The following KALRN variants were observed in gnomAD, a reference collection of about 807,000 sequenced individuals.
KALRN encodes the protein kalirin RhoGEF kinase.
Under a neutral mutation model 353.7 loss-of-function variants are expected in KALRN, and 70 were observed. The observed-to-expected ratio is 0.20, with a 90% confidence interval of 0.16 to 0.24. KALRN has a LOEUF of 0.24. KALRN is among the 10% of genes least tolerant of loss of function. The pLI is 1.00. For missense variants in KALRN, 2,791 were observed against 3,756.7 expected, an observed-to-expected ratio of 0.74 and a Z score of 6.72; for synonymous variants, 1,391 against 1,434.8, an observed-to-expected ratio of 0.97 and a Z score of 0.69.
At chr3:124,385,058 A>T in intron 11 of KALRN, 22 bp downstream of exon 11, 1 of 1,560,540 alleles carries the variant, frequency 6.4e-7, no homozygotes, top group Non-Finnish European at 8.7e-7. Context: ...TAGTGGAGAG[A>T]GGGCATTCTG....
intron 1 of KALRN, among the ~76,000 whole-genome samples, chr3:124,135,085 A>G (rs1009425808): frequency 1.3e-5 from 2 of 152,236 alleles, no homozygotes; most frequent in Non-Finnish European, 2.9e-5. Flanking sequence ...ACGCATGGTT[A>G]TAGCAGCACA....
intron 34 of KALRN, among the ~76,000 whole-genome samples, chr3:124,581,003 A>G (rs1001285858): frequency 2.6e-5 from 4 of 151,794 alleles, no homozygotes; most frequent in African/African-American, 7.3e-5. Context: ...TTGTTAGGTT[A>G]TAGACATTGG....
intron 49 of KALRN, 91 bp downstream of exon 49, chr3:124,674,705 G>A: frequency 2.3e-6 from 3 of 1,331,230 alleles, no homozygotes; most frequent in South Asian, 1.5e-5. Flanking sequence ...CAAACACATG[G>A]TAGGGAATTA....
At chr3:124,050,461 A>T (rs2040918349) in intron 1 of KALRN, among the ~76,000 whole-genome samples, 1 of 152,122 alleles carries the variant, frequency 6.6e-6, no homozygotes, top group East Asian at 1.9e-4. Context: ...TCCCCTCCAC[A>T]CCACAACTGG....
chr3:124,103,009 A>G (rs1391076988), intron 1 of KALRN, among the ~76,000 whole-genome samples: 1 of 152,160 alleles, frequency 6.6e-6, no homozygotes, highest in Non-Finnish European at 1.5e-5. Flanking sequence ...GAGAGCTGCT[A>G]AGGGAAAAGT....
chr3:124,650,852 A>G lies in KALRN; in HGVS notation c.5709A>G (p.Ala1903=). 1 of 1,614,072 alleles carries G rather than the reference A, an allele frequency of 6.2e-7. No individual in the cohort carries two copies. Among genetic ancestry groups the G allele is most frequent in the Non-Finnish European group, 8.5e-7 (1 of 1,179,904 alleles). Residue 1903 remains alanine, a synonymous_variant, in exon 38 of 60, where the codon GCA becomes GCG. Transcript: ENST00000682506. ...SSYRGSLKDP[A]GCLNEGMAPP... Reference sequence around the variant, plus strand: ...ACCGGGGGAGCTTGAAAGACCCTGCAGGCTGCCTGAATGAGGGGATGGCCC... The same window carrying G: ...ACCGGGGGAGCTTGAAAGACCCTGCGGGCTGCCTGAATGAGGGGATGGCCC...
intron 32 of KALRN, among the ~76,000 whole-genome samples, chr3:124,495,148 G>A (rs1271316090): frequency 1.3e-5 from 2 of 152,168 alleles, no homozygotes; most frequent in Non-Finnish European, 2.9e-5. Context: ...TAAATGCCAG[G>A]AGTGCACTCA....
chr3:124,399,140 T>C (rs1292276870), intron 13 of KALRN, among the ~76,000 whole-genome samples: 1 of 152,052 alleles, frequency 6.6e-6, no homozygotes, highest in Non-Finnish European at 1.5e-5. Context: ...TTTTGTTTTG[T>C]TTTGTTTTGT....
At chr3:124,371,890 ATTCT>A (rs1390695555) in intron 10 of KALRN, among the ~76,000 whole-genome samples, 2 of 152,086 alleles carry the variant, frequency 1.3e-5, no homozygotes, top group Admixed American at 1.3e-4. Context: ...GGTCTTTTTC[ATTCT>A]TTCTATTTTT....
intron 58 of KALRN, among the ~76,000 whole-genome samples, chr3:124,714,537 T>G (rs974937955): frequency 6.6e-6 from 1 of 152,180 alleles, no homozygotes; most frequent in Non-Finnish European, 1.5e-5. Context: ...CTGTGAAGAT[T>G]GAAATTCCTC....
At chr3:124,270,024 A>C (rs1263314828) in intron 5 of KALRN, among the ~76,000 whole-genome samples, 3 of 152,236 alleles carry the variant, frequency 2.0e-5, no homozygotes, top group Non-Finnish European at 4.4e-5. Flanking sequence ...AAAGTAAGAT[A>C]AGAGAATGTA....
At position 124,649,069 on chromosome 3, in the gene KALRN, G is replaced by A. The variant is rs114195616; in HGVS notation, c.5665-1739G>A. Among the ~76,000 whole-genome samples, 1,171 of 152,232 alleles carry A rather than the reference G, an allele frequency of 7.7e-3. 14 individuals carry two copies. Among genetic ancestry groups the A allele is most frequent in the African/African-American group, 0.025 (1,036 of 41,522 alleles). On this transcript the variant is annotated intron_variant, in intron 37 of 59. Transcript: ENST00000682506. ...CCTGTCCTCTTAGTTCCAGTTTCTA[G>A]TGTTGGTAACAAATTCATGTTTAGC...
intron 28 of KALRN, among the ~76,000 whole-genome samples, chr3:124,484,951 C>A (rs1561097013): frequency 6.6e-6 from 1 of 152,014 alleles, no homozygotes; most frequent in Non-Finnish European, 1.5e-5. Context: ...AAAAAATTAG[C>A]TGGGCATGGT....
chr3:124,439,821 ATCT>A, intron 18 of KALRN, among the ~76,000 whole-genome samples: 1 of 152,066 alleles, frequency 6.6e-6, no homozygotes, highest in Non-Finnish European at 1.5e-5. Context: ...CCAGCCTTTG[ATCT>A]TCTCCTCTGA....
At chr3:124,600,248 T>C (rs1275795212) in intron 34 of KALRN, among the ~76,000 whole-genome samples, 5 of 152,254 alleles carry the variant, frequency 3.3e-5, no homozygotes, top group African/African-American at 9.6e-5. Context: ...TTTCCTCTCA[T>C]TGTAACATAC....
chr3:124,498,193 G>A (rs2064089957), intron 33 of KALRN, among the ~76,000 whole-genome samples: 1 of 152,192 alleles, frequency 6.6e-6, no homozygotes, highest in African/African-American at 2.4e-5. Context: ...ATACTAGGAT[G>A]AACTCAGCTG....
At chr3:124,352,679 G>GT (rs200715549) in intron 10 of KALRN, among the ~76,000 whole-genome samples, 21,184 of 144,400 alleles carry the variant, frequency 0.15, 1,503 homozygotes, top group Non-Finnish European at 0.17. Context: ...TTTTTGTTTT[G>GT]TTTTTTTTTT....
chr3:124,291,690 C>A (rs1389721905), intron 5 of KALRN, among the ~76,000 whole-genome samples: 1 of 152,098 alleles, frequency 6.6e-6, no homozygotes, highest in Non-Finnish European at 1.5e-5. Flanking sequence ...AGAGACGTGG[C>A]CTGGTCAGTG....
At chr3:124,495,137 C>A (rs183768288) in intron 32 of KALRN, among the ~76,000 whole-genome samples, 3 of 152,250 alleles carry the variant, frequency 2.0e-5, no homozygotes, top group Admixed American at 2.0e-4. Flanking sequence ...AGGAAGGGGT[C>A]TAAATGCCAG....
Sources: gnomAD v4.1 joint callset for allele counts (sites outside exome capture counted in the v4.1 genomes callset) on GRCh38, gnomAD v4.1.1 for gene constraint, MANE v1.5 for transcripts, NCBI Gene and HGNC (gene_info 2026-07-23, HGNC 2026-07-21) for gene names.